Variants in ARHGEF12 observed in about 807,000 individuals in gnomAD.
ARHGEF12 encodes KMT2A/ARHGEF12 fusion protein.
Under a neutral mutation model 211.2 loss-of-function variants are expected in ARHGEF12, and 66 were observed. The observed-to-expected ratio is 0.31, with a 90% confidence interval of 0.26 to 0.38. The LOEUF is 0.38. ARHGEF12 is among the 10% of genes least tolerant of loss of function. The pLI, the probability that ARHGEF12 is intolerant of heterozygous loss-of-function variation, is 1.00. For synonymous variants in ARHGEF12, 592 were observed against 638.4 expected (o/e 0.93, Z 1.09); for missense variants, 1,429 against 1,869.5 (o/e 0.76, Z 4.34).
At position 120,440,138 on chromosome 11, in the gene ARHGEF12, T is replaced by C; in HGVS notation, c.1009T>C (p.Ser337Pro). The C allele has an allele frequency of 6.2e-7, 1 of 1,611,504 alleles. No individual in the cohort carries two copies. Among genetic ancestry groups the C allele is most frequent in the Non-Finnish European group, 8.5e-7 (1 of 1,178,794 alleles). Reference protein sequence around the residue: ...SETIQDTDTQSLVGSPSTRIA... With the variant: ...SETIQDTDTQPLVGSPSTRIA... ...CCCTGAATGTTGCCAGGACACTCAA[T>C]CACTTGTCGGAAGTCCCTCAACCCG... The change falls in exon 13 of 41, where the codon TCA (serine) becomes CCA (proline). Residue 337 changes from serine (S) to proline (P), a missense_variant. Around this residue, in one of 7 missense-constraint regions of ARHGEF12, gnomAD observed 254 missense variants for 286.4 expected, o/e 0.89. Transcript: ENST00000397843.
chr11:120,407,668 T>C, intron 2 of ARHGEF12, 70 bp from the exon 3 acceptor site: 1 of 1,203,528 alleles, frequency 8.3e-7, no homozygotes, highest in South Asian at 1.3e-5. Flanking sequence ...AGATCCACTT[T>C]TAGAATTTTA....
chr11:120,353,911 G>A (rs773872167), intron 1 of ARHGEF12, among the ~76,000 whole-genome samples: 1 of 152,172 alleles, frequency 6.6e-6, no homozygotes, highest in Non-Finnish European at 1.5e-5. Flanking sequence ...AAAGCCCATT[G>A]GGAATGTCTG....
chr11:120,419,212 G>A lies in ARHGEF12; in HGVS notation c.200-1541G>A, dbSNP rs144168225. ...CCTGACCTCATGATCCGCCCTTCTC[G>A]GCCTCCCAAAGTGCTGCGATTACAG... On this transcript the variant is annotated intron_variant, in intron 4 of 40. Transcript: ENST00000397843. 9.6e-4 allele frequency among the ~76,000 whole-genome samples: 146 copies of A among 151,474 alleles called. 4 individuals are homozygous for A. Among genetic ancestry groups the A allele is most frequent in the African/African-American group, 3.0e-3 (124 of 41,176 alleles).
intron 21 of ARHGEF12, 79 bp from the exon 22 acceptor site, chr11:120,451,433 T>A (rs1391893207): frequency 2.1e-6 from 3 of 1,413,694 alleles, no homozygotes; most frequent in Non-Finnish European, 2.9e-6. Context: ...CACCTTGGCC[T>A]CCCAAAGTGT....
intron 1 of ARHGEF12, among the ~76,000 whole-genome samples, chr11:120,347,266 CTGTCTGTGTGTG>C (rs60020690): frequency 0.028 from 3,706 of 133,570 alleles, 116 homozygotes; most frequent in Admixed American, 0.077. Context: ...CTCTCTCTCT[CTGTCTGTGTGTG>C]TGTGTGTGTG....
Position 120,475,448 on chromosome 11 carries a change from A to G in ARHGEF12, c.3218A>G (p.Lys1073Arg), listed in dbSNP as rs1214288914. 11 of 1,614,070 alleles carry G rather than the reference A, an allele frequency of 6.8e-6. No homozygotes were observed. Among genetic ancestry groups the G allele is most frequent in the African/African-American group, 1.3e-5 (1 of 74,934 alleles). Residue 1073 changes from lysine (K) to arginine (R), a missense_variant, in exon 33 of 41, where the codon AAA (lysine) becomes AGA (arginine). Coordinates refer to ENST00000397843, the MANE Select transcript of ARHGEF12 (RefSeq NM_015313.3). ...ATTCTGGCATCTACAGCTGATAGCA[A>G]ACACACGTTTAGCCCTGTCATTAAG... The part of the protein sequence containing the change: ...SKILASTADS[K>R]HTFSPVIKLS...
At chr11:120,434,496 T>C (rs1268201004) in intron 11 of ARHGEF12, among the ~76,000 whole-genome samples, 2 of 152,248 alleles carry the variant, frequency 1.3e-5, no homozygotes, top group African/African-American at 4.8e-5. Context: ...TGGATTTCCA[T>C]GTTTGTTTCA....
rs562542785 is a variant in ARHGEF12 at position 120,474,072 on chromosome 11, A to T, written c.3034-488A>T. Reference sequence around the variant, plus strand: ...GCTAATACTAAAAGATGATTCTCTTACTAATAAGTTGTTAATATTTAGACC... The same window carrying T: ...GCTAATACTAAAAGATGATTCTCTTTCTAATAAGTTGTTAATATTTAGACC... On this transcript the variant is annotated intron_variant, in intron 31 of 40. Transcript: ENST00000397843. Among the ~76,000 whole-genome samples, 425 of 152,376 alleles carry T rather than the reference A, an allele frequency of 2.8e-3. 3 individuals carry two copies. Among genetic ancestry groups the T allele is most frequent in the Non-Finnish European group, 4.7e-3 (323 of 68,032 alleles).
At chr11:120,452,261 A>G (rs1279834138) in intron 22 of ARHGEF12, among the ~76,000 whole-genome samples, 2 of 152,190 alleles carry the variant, frequency 1.3e-5, no homozygotes, top group African/African-American at 4.8e-5. Flanking sequence ...AGAGGAGATG[A>G]GATGTAGAGT....
At chr11:120,445,271 G>A in intron 15 of ARHGEF12, 151 bp from the exon 16 acceptor site, 1 of 728,946 alleles carries the variant, frequency 1.4e-6, no homozygotes, top group East Asian at 2.6e-5. Context: ...ATGTTCTGGA[G>A]TTGTGAAATG....
intron 1 of ARHGEF12, among the ~76,000 whole-genome samples, chr11:120,375,637 C>T (rs2135428176): frequency 6.6e-6 from 1 of 151,732 alleles, no homozygotes; most frequent in Middle Eastern, 3.4e-3. Flanking sequence ...AACATATACC[C>T]CATAGGCATG....
intron 1 of ARHGEF12, among the ~76,000 whole-genome samples, chr11:120,377,420 A>T (rs1330681772): frequency 1.3e-5 from 2 of 151,812 alleles, no homozygotes; most frequent in East Asian, 3.9e-4. Flanking sequence ...AGTTCACTTC[A>T]GGCTTAATAT....
chr11:120,432,454 G>A (rs1359648457), intron 11 of ARHGEF12, among the ~76,000 whole-genome samples: 1 of 152,172 alleles, frequency 6.6e-6, no homozygotes, highest in African/African-American at 2.4e-5. Flanking sequence ...TGAATATGAT[G>A]TAACACCATA....
intron 1 of ARHGEF12, among the ~76,000 whole-genome samples, chr11:120,361,029 A>G (rs1943261432): frequency 6.6e-6 from 1 of 152,216 alleles, no homozygotes. Flanking sequence ...AAGCACCAAG[A>G]ATCACAACTC....
chr11:120,445,353 C>T, intron 15 of ARHGEF12, 69 bp from the exon 16 acceptor site: 4 of 1,503,846 alleles, frequency 2.7e-6, no homozygotes, highest in Non-Finnish European at 3.7e-6. Flanking sequence ...CCTTACTTTA[C>T]AGAAGTACTT....
At chr11:120,386,665 A>G (rs570258142) in intron 1 of ARHGEF12, among the ~76,000 whole-genome samples, 8 of 152,282 alleles carry the variant, frequency 5.3e-5, no homozygotes, top group South Asian at 2.1e-4. Context: ...GTGCAAGCAT[A>G]TAAGTATTGC....
intron 20 of ARHGEF12, 75 bp downstream of exon 20, chr11:120,448,423 T>C (rs1310018457): frequency 6.6e-6 from 7 of 1,064,236 alleles, no homozygotes; most frequent in Non-Finnish European, 7.0e-6. Context: ...TCTTCCATCA[T>C]CTTAGTATTT....
intron 1 of ARHGEF12, among the ~76,000 whole-genome samples, chr11:120,392,395 G>A (rs1944246917): frequency 6.6e-6 from 1 of 151,912 alleles, no homozygotes; most frequent in Non-Finnish European, 1.5e-5. Context: ...TTATTTTTTT[G>A]TGGAGTTTAT....
chr11:120,398,756 G>A (rs978359366), intron 1 of ARHGEF12, among the ~76,000 whole-genome samples: 6 of 152,046 alleles, frequency 3.9e-5, no homozygotes, highest in Non-Finnish European at 8.8e-5. Context: ...AAGAATTTCC[G>A]CAGAAGAAAA....
Sources: gnomAD v4.1 joint callset for allele counts (sites outside exome capture counted in the v4.1 genomes callset) on GRCh38, gnomAD v4.1.1 for gene constraint, gnomAD v4.1.1 regional missense constraint, MANE v1.5 for transcripts, NCBI Gene and HGNC (gene_info 2026-07-23, HGNC 2026-07-21) for gene names.